COLGALT2: variants seen among roughly 807,000 people sequenced by gnomAD.
COLGALT2 encodes collagen beta(1-O)galactosyltransferase 2, also known as procollagen galactosyltransferase 2.
A neutral mutation model predicts 73.4 loss-of-function variants in COLGALT2; 49 were observed. That is an observed-to-expected ratio of 0.67 (90% confidence interval 0.53 to 0.85). The LOEUF (loss-of-function observed/expected upper bound fraction) is 0.85. Ranked by LOEUF, COLGALT2 falls within the 40% of genes least tolerant of loss-of-function variation. COLGALT2 has a pLI of 0.00. For synonymous variants in COLGALT2, 295 were observed against 307.6 expected, an observed-to-expected ratio of 0.96 and a Z score of 0.43; for missense variants, 722 against 790.2, an observed-to-expected ratio of 0.91 and a Z score of 1.03.
At chr1:183,960,304 G>C (rs541220652) in intron 6 of COLGALT2, among the ~76,000 whole-genome samples, 43 of 152,242 alleles carry the variant, frequency 2.8e-4, no homozygotes, top group African/African-American at 8.7e-4. Flanking sequence ...TTCTTGGTCT[G>C]TTTCCTCTGC....
At chr1:183,930,239 C>T (rs1260696808) in exon 12 of COLGALT2, 3 of 456,150 alleles carry the variant, frequency 6.6e-6, no homozygotes, top group South Asian at 3.1e-5. Flanking sequence ...TCACCGTTGG[C>T]AGTCATCAGA....
chr1:183,990,771 G>C (rs975923715), intron 1 of COLGALT2, among the ~76,000 whole-genome samples: 4 of 152,234 alleles, frequency 2.6e-5, no homozygotes, highest in Non-Finnish European at 5.9e-5. Flanking sequence ...GTTGGGCTAG[G>C]ACTTACAAGC....
At chr1:183,989,216 G>A (rs550179552) in intron 1 of COLGALT2, among the ~76,000 whole-genome samples, 4 of 152,198 alleles carry the variant, frequency 2.6e-5, no homozygotes, top group Non-Finnish European at 4.4e-5. Flanking sequence ...CCAGGAATGC[G>A]TGGGCAGTTG....
In COLGALT2 at chr1:183,937,783, G is replaced by GA; in HGVS notation, c.*977dup. The GA allele has an allele frequency of 2.0e-6, 2 of 985,284 alleles. No individual in the cohort carries two copies. Among genetic ancestry groups the GA allele is most frequent in the South Asian group, 9.4e-5 (2 of 21,278 alleles). The allele number at this position is 985,284 out of a possible 1,614,324, so 61.0% of individuals were successfully genotyped here. On this transcript the variant is annotated 3_prime_UTR_variant, in exon 12 of 12. Transcript: ENST00000361927. ...TAAAATAAATAATTCAAAATATAAT[G>GA]AAAAAACTCTGGCAAGGATAGTTGC...
At chr1:184,036,767 G>A (rs904615312) in intron 1 of COLGALT2, among the ~76,000 whole-genome samples, 103 of 152,332 alleles carry the variant, frequency 6.8e-4, no homozygotes, top group Non-Finnish European at 5.9e-5. Context: ...AAAAGCGAGG[G>A]AACTGAAAGT....
intron 1 of COLGALT2, among the ~76,000 whole-genome samples, chr1:184,029,116 T>C (rs1649423289): frequency 6.6e-6 from 1 of 152,240 alleles, no homozygotes; most frequent in Non-Finnish European, 1.5e-5. Flanking sequence ...ACTTGGCTAA[T>C]GCCACCTACC....
chr1:184,009,199 C>A (rs771312279), intron 1 of COLGALT2, among the ~76,000 whole-genome samples: 7 of 152,124 alleles, frequency 4.6e-5, no homozygotes, highest in Non-Finnish European at 8.8e-5. Context: ...GAGAAATGAA[C>A]CTGAACAAAG....
intron 1 of COLGALT2, among the ~76,000 whole-genome samples, chr1:183,981,574 T>C (rs1241989808): frequency 6.6e-6 from 1 of 152,080 alleles, no homozygotes; most frequent in Non-Finnish European, 1.5e-5. Context: ...GGAGAATCGC[T>C]TGAACCTGCA....
At position 183,938,768 on chromosome 1, in the gene COLGALT2, T is replaced by A; in HGVS notation, c.1874A>T (p.Glu625Val). The change falls in exon 12 of 12, where the codon GAG becomes GTG. Residue 625 changes from glutamate (E) to valine (V), a missense_variant. Physicochemically the swap from Glu to Val is moderately radical, Grantham distance 121. Coordinates refer to ENST00000361927, the MANE Select transcript of COLGALT2 (RefSeq NM_015101.4). Reference sequence around the variant, plus strand: ...CACACTCCCAGGGAGCCTTCATAGCTCATCCCTTGAAGGCACAGTGTCCAG... The same window carrying A: ...CACACTCCCAGGGAGCCTTCATAGCACATCCCTTGAAGGCACAGTGTCCAG... ...TSLDTVPSRD[E>V]L 6.2e-7 allele frequency: 1 copy of A among 1,614,082 alleles called. No homozygotes were observed. Among genetic ancestry groups the A allele is most frequent in the Non-Finnish European group, 8.5e-7 (1 of 1,179,990 alleles).
At position 183,945,450 on chromosome 1, in the gene COLGALT2, G is replaced by A. The variant is rs760451328; in HGVS notation, c.1251C>T (p.His417=). ...TRGEIGCFLS[H]YSVWKEVIDR... ...TATTTACCTCTTTCCAGACTGAGTAGTGGCTGAGAAAGCAGCCGATTTCAC... is the reference window on the plus strand; with the variant it reads ...TATTTACCTCTTTCCAGACTGAGTAATGGCTGAGAAAGCAGCCGATTTCAC... The change falls in exon 9 of 12, where the codon CAC becomes CAT. Residue 417 remains histidine (H), a synonymous_variant. Transcript: ENST00000361927. 1 of 1,614,156 alleles carries A rather than the reference G, an allele frequency of 6.2e-7. No homozygotes were observed.
Position 184,037,079 on chromosome 1 carries a change from G to T in COLGALT2, c.263+16C>A. The T allele has an allele frequency of 2.6e-6, 4 of 1,542,190 alleles. No homozygotes were observed. The highest frequency in any genetic ancestry group is 2.7e-5 in the East Asian group (1 of 37,142). ...CCGCGTCCCGCCGCGGCGGCCCGGG[G>T]CCCGTGCGCGCTCACCAGATGGCCA... is the stretch of plus-strand genomic sequence containing the variant. On this transcript the variant is annotated intron_variant, in intron 1 of 11. Transcript: ENST00000361927.
In COLGALT2 at chr1:183,969,313, G is replaced by A. The variant is rs144317776; in HGVS notation, c.788C>T (p.Thr263Ile). 1,412 of 1,613,830 alleles carry A rather than the reference G, an allele frequency of 8.7e-4. 3 individuals are homozygous for A. Among genetic ancestry groups the A allele is most frequent in the Non-Finnish European group, 1.1e-3 (1,338 of 1,179,840 alleles). ...GGCAAAGACAATGATGTCATCAAAGGTCCAGGTGTAGTCCTGGTGTGGGGG... is the reference window on the plus strand; with the variant it reads ...GGCAAAGACAATGATGTCATCAAAGATCCAGGTGTAGTCCTGGTGTGGGGG... ...FYPPHQDYTW[T>I]FDDIIVFAFS... The change falls in exon 5 of 12, where the codon ACC becomes ATC. Residue 263 changes from threonine (T) to isoleucine (I), a missense_variant. By Grantham distance (89) the Thr-to-Ile change is moderately conservative (BLOSUM62 -1). Transcript: ENST00000361927.
chr1:183,990,145 A>G (rs1042241750), intron 1 of COLGALT2, among the ~76,000 whole-genome samples: 1 of 152,220 alleles, frequency 6.6e-6, no homozygotes, highest in Non-Finnish European at 1.5e-5. Context: ...TTCCCTAGTA[A>G]TAGAATTTTT....
intron 7 of COLGALT2, among the ~76,000 whole-genome samples, chr1:183,954,316 C>T (rs1400809139): frequency 6.6e-6 from 1 of 151,928 alleles, no homozygotes; most frequent in African/African-American, 2.4e-5. Flanking sequence ...GCTCTCTAAC[C>T]TTTTTCCATG....
At chr1:184,030,015 T>TA (rs1359914496) in intron 1 of COLGALT2, among the ~76,000 whole-genome samples, 5 of 152,208 alleles carry the variant, frequency 3.3e-5, no homozygotes, top group Admixed American at 6.5e-5. Context: ...AAGAAAGTGT[T>TA]AATATTGGTC....
At chr1:184,028,295 C>T (rs10494573) in intron 1 of COLGALT2, among the ~76,000 whole-genome samples, 21,514 of 152,198 alleles carry the variant, frequency 0.14, 1,848 homozygotes, top group Non-Finnish European at 0.19. Flanking sequence ...CTCTAAAATG[C>T]AGCAGTTTCT....
intron 1 of COLGALT2, among the ~76,000 whole-genome samples, chr1:184,025,508 G>A (rs2102858095): frequency 6.6e-6 from 1 of 152,326 alleles, no homozygotes; most frequent in East Asian, 1.9e-4. Context: ...GGCTAGATGT[G>A]CTCAGAAGTC....
chr1:183,969,458 TC>T lies in COLGALT2; in HGVS notation c.642del (p.Thr215ProfsTer26). 1 of 1,611,254 alleles carries T rather than the reference TC, an allele frequency of 6.2e-7. No individual in the cohort carries two copies. The highest frequency in any genetic ancestry group is 8.5e-7 in the Non-Finnish European group (1 of 1,178,642). On this transcript the variant is annotated frameshift_variant, in exon 5 of 12. Transcript: ENST00000361927. LOFTEE classifies it high-confidence loss of function. ...CGITPKGFYK[R>X]TPDYVQIREW... ...TCTCGAATCTGAACGTAGTCTGGGG[TC>T]CTCTTATAGAAGCCCTGTAAAAGAG...
At chr1:184,005,531 G>T (rs532768764) in intron 1 of COLGALT2, among the ~76,000 whole-genome samples, 1 of 152,246 alleles carries the variant, frequency 6.6e-6, no homozygotes, top group South Asian at 2.1e-4. Context: ...AATTTGAAAA[G>T]AGCTACCTGG....
Sources: gnomAD v4.1 joint callset for allele counts (sites outside exome capture counted in the v4.1 genomes callset) on GRCh38, gnomAD v4.1.1 for gene constraint, MANE v1.5 for transcripts, NCBI Gene and HGNC (gene_info 2026-07-23, HGNC 2026-07-21) for gene names.